SPG11: variants seen among roughly 807,000 people sequenced by gnomAD.
SPG11 encodes SPG11 vesicle trafficking associated, spatacsin.
SPG11 carries 222 observed loss-of-function variants against 274.0 expected under a neutral mutation model. The ratio of observed to expected loss-of-function variants is 0.81; its 90% CI spans 0.73 to 0.91. The LOEUF is 0.91. SPG11 is among the 40% of genes least tolerant of loss of function. The probability of loss-of-function intolerance (pLI) is 0.00; values close to 1 mark genes in which losing one functional copy is unlikely to be tolerated. For synonymous variants in SPG11, 1,144 were observed against 1,039.7 expected, an observed-to-expected ratio of 1.10 and a Z score of -1.93; for missense variants, 3,114 against 2,872.7, an observed-to-expected ratio of 1.08 and a Z score of -1.92.
At chr15:44,642,971 C>G (rs960224151) in intron 7 of SPG11, among the ~76,000 whole-genome samples, 2 of 152,082 alleles carry the variant, frequency 1.3e-5, no homozygotes, top group Non-Finnish European at 2.9e-5. Context: ...TCAAAGATAT[C>G]CATGATATTC....
Position 44,578,631 on chromosome 15 carries a change from T to G in SPG11, c.5867-3590A>C, listed in dbSNP as rs2082595473. Among the ~76,000 whole-genome samples, 3 of 152,276 alleles carry G rather than the reference T, an allele frequency of 2.0e-5. No individual in the cohort carries two copies. In the South Asian group the frequency reaches 6.2e-4, roughly 32 times the overall value. Reference sequence around the variant, plus strand: ...CTTGATCCTAAGTAGCACAGATCACTACCAAGGTCACAGATTGACCACTAG... The same window carrying G: ...CTTGATCCTAAGTAGCACAGATCACGACCAAGGTCACAGATTGACCACTAG... On this transcript the variant is annotated intron_variant, in intron 30 of 39. Transcript: ENST00000261866.
In SPG11 at chr15:44,629,318, T is replaced by A. The variant is rs1255132930; in HGVS notation, c.1806A>T (p.Gln602His). The change falls in exon 9 of 40, where the codon CAA becomes CAT. Residue 602 changes from glutamine to histidine, a missense_variant. Transcript: ENST00000261866. ...GCAATTGTTCTGAAAAGTGTTTGCTTTGGGGTTCAGAATAACTTTCTCTAA... is the reference window on the plus strand; with the variant it reads ...GCAATTGTTCTGAAAAGTGTTTGCTATGGGGTTCAGAATAACTTTCTCTAA... The part of the protein sequence containing the change: ...SAIRESYSEP[Q>H]SKHFSEQLLN... 1 of 1,614,158 alleles carries A rather than the reference T, an allele frequency of 6.2e-7. No homozygotes were observed. The highest frequency in any genetic ancestry group is 1.3e-5 in the African/African-American group (1 of 75,066).
chr15:44,595,994 C>T (rs2083025799), intron 25 of SPG11, 89 bp downstream of exon 25: 4 of 1,538,234 alleles, frequency 2.6e-6, no homozygotes, highest in African/African-American at 1.4e-5. Flanking sequence ...GTCATCATCA[C>T]CCCACTTCTG....
chr15:44,640,176 C>T (rs920699601), intron 7 of SPG11, among the ~76,000 whole-genome samples: 1 of 152,178 alleles, frequency 6.6e-6, no homozygotes, highest in Non-Finnish European at 1.5e-5. Flanking sequence ...CATCACTGCA[C>T]TCCAGCCTGG....
At position 44,663,441 on chromosome 15, in the gene SPG11, C is replaced by G. The variant is rs2141138210; in HGVS notation, c.207G>C (p.Thr69=). 1 of 1,603,298 alleles carries G rather than the reference C, an allele frequency of 6.2e-7. No individual in the cohort carries two copies. Among genetic ancestry groups the G allele is most frequent in the African/African-American group, 1.3e-5 (1 of 74,800 alleles). ...AGCGACCCCCGCCCCGGCTGCCAGG[C>G]GTCAAAGAAAGCACTTGGAGGCTGC... ...AAGSLQVLSL[T]PGSRGGGRCC... Residue 69 remains threonine, a synonymous_variant, in exon 1 of 40, where the codon ACG becomes ACC. Transcript: ENST00000261866.
chr15:44,652,400 T>C (rs1849964705), intron 4 of SPG11, 134 bp from the exon 5 acceptor site: 3 of 913,136 alleles, frequency 3.3e-6, no homozygotes, highest in Non-Finnish European at 5.1e-6. Context: ...AGGAACTCCT[T>C]ATCTCCCTTG....
Position 44,564,663 on chromosome 15 carries a change from T to A in SPG11, c.7035A>T (p.Pro2345=), listed in dbSNP as rs776878909. The change falls in exon 39 of 40, where the codon CCA becomes CCT. Residue 2345 remains proline, a synonymous_variant. Coordinates refer to ENST00000261866, the MANE Select transcript of SPG11 (RefSeq NM_025137.4). ...GCTGGTATAAAATTTCAGCCCAATC[T>A]GGAACAAAATCGTAGGCCTCAGCCA... ...SIVAEAYDFV[P]DWAEILYQQV... The A allele has an allele frequency of 6.8e-6, 11 of 1,614,042 alleles. No homozygotes were observed. The East Asian group carries it at 1.8e-4, about 26-fold the overall frequency.
In SPG11 at chr15:44,565,840, G is replaced by C; in HGVS notation, c.6999+14C>G. 1 of 1,613,992 alleles carries C rather than the reference G, an allele frequency of 6.2e-7. No homozygotes were observed. Reference sequence around the variant, plus strand: ...ATGCTAGCAGTGCTGGCTACAGTTTGCTTTCTTGCTCACCTGGTAGAACCG... The same window carrying C: ...ATGCTAGCAGTGCTGGCTACAGTTTCCTTTCTTGCTCACCTGGTAGAACCG... On this transcript the variant is annotated intron_variant, in intron 38 of 39. Coordinates refer to ENST00000261866, the MANE Select transcript of SPG11 (RefSeq NM_025137.4).
Position 44,568,899 on chromosome 15 carries a change from C to T in SPG11, c.6585+499G>A, listed in dbSNP as rs529403517. 2.6e-5 allele frequency among the ~76,000 whole-genome samples: 4 copies of T among 152,134 alleles called. No individual in the cohort carries two copies. In the East Asian group the frequency reaches 5.8e-4, roughly 22 times the overall value. On this transcript the variant is annotated intron_variant, in intron 35 of 39. Coordinates refer to ENST00000261866, the MANE Select transcript of SPG11 (RefSeq NM_025137.4). ...TTCAGTATTTAGCATCGGCTGGGCA[C>T]GGTGGCTCATGCCTGTAATCCCAGC...
At chr15:44,635,617 A>G (rs1483098030) in intron 7 of SPG11, among the ~76,000 whole-genome samples, 3 of 147,406 alleles carry the variant, frequency 2.0e-5, no homozygotes, top group South Asian at 2.1e-4. Flanking sequence ...AAAAAAAAAA[A>G]AAAGAAAAAA....
intron 6 of SPG11, among the ~76,000 whole-genome samples, 175 bp downstream of exon 6, chr15:44,651,316 C>T (rs753889682): frequency 3.3e-5 from 5 of 152,092 alleles, no homozygotes; most frequent in African/African-American, 4.8e-5. Flanking sequence ...GCAGAAATGA[C>T]GTTAATTAAA....
Position 44,610,198 on chromosome 15 carries a change from C to T in SPG11, c.3291+642G>A, listed in dbSNP as rs949350766. ...GATTACAGGTGTGAGCCACCGCACT[C>T]GGTCATGCCCAGCTAATTTTTAAAT... On this transcript the variant is annotated intron_variant, in intron 18 of 39. Coordinates refer to ENST00000261866, the MANE Select transcript of SPG11 (RefSeq NM_025137.4). Among the ~76,000 whole-genome samples the T allele has an allele frequency of 5.3e-5, 8 of 149,872 alleles. No homozygotes were observed. The South Asian group carries it at 1.5e-3, about 28-fold the overall frequency.
rs1201109235 is a variant in SPG11, at chr15:44,584,074, C to G, written c.5606G>C (p.Arg1869Thr). Residue 1869 changes from arginine to threonine, a missense_variant, in exon 30 of 40, where the codon AGA becomes ACA. By Grantham distance (71) the Arg-to-Thr change is moderately conservative. Transcript: ENST00000261866. Reference protein sequence around the residue: ...SLPSKETCENRLDWKEQESLN... With the variant: ...SLPSKETCENTLDWKEQESLN... ...TGACTCCTGCTCTTTCCAATCCAAT[C>G]TATTCTCGCATGTCTCTTTGGATGG... is the stretch of plus-strand genomic sequence containing the variant. 1.9e-6 allele frequency: 3 copies of G among 1,614,130 alleles called. No individual in the cohort carries two copies. The highest frequency in any genetic ancestry group is 3.3e-5 in the Admixed American group (2 of 60,004).
chr15:44,610,468 C>T (rs1041578372), intron 18 of SPG11, among the ~76,000 whole-genome samples: 11 of 152,074 alleles, frequency 7.2e-5, no homozygotes, highest in Admixed American at 2.0e-4. Context: ...CTGCAACCTC[C>T]GCCTCTCAGG....
rs780612651 is a variant in SPG11, at chr15:44,626,272, TATA to T, written c.2244+56_2244+58del. On this transcript the variant is annotated intron_variant, in intron 11 of 39. Transcript: ENST00000261866. The stretch of plus-strand genomic sequence containing the variant: ...AATAATTATGAATACAAACCAATTT[TATA>T]ATAACTAGAAATTATATTAAATACA... The T allele has an allele frequency of 4.3e-5, 62 of 1,426,296 alleles. No individual in the cohort carries two copies. In the East Asian group the frequency reaches 1.0e-3, roughly 24 times the overall value. 88.4% of individuals were successfully genotyped at this position (1,426,296 alleles called of 1,614,324 possible).
Position 44,600,575 on chromosome 15 carries a change from A to G in SPG11, c.3578T>C (p.Ile1193Thr). ...SSPDLVNKYA[I>T]VERLNFAYYL... The stretch of plus-strand genomic sequence containing the variant: ...ATAAGCAAAATTCAGACGTTCCACT[A>G]TAGCATATTTATTAACCAGGTCAGG... The change falls in exon 21 of 40, where the codon ATA (isoleucine) becomes ACA (threonine). Residue 1193 changes from isoleucine (I) to threonine (T), a missense_variant. Physicochemically the swap from Ile to Thr is moderately conservative, Grantham distance 89 (BLOSUM62 -1). Coordinates refer to ENST00000261866, the MANE Select transcript of SPG11 (RefSeq NM_025137.4). 6.2e-7 allele frequency: 1 copy of G among 1,614,214 alleles called. No homozygotes were observed. Among genetic ancestry groups the G allele is most frequent in the South Asian group, 1.1e-5 (1 of 91,090 alleles).
Position 44,619,706 on chromosome 15 carries a change from T to TA in SPG11, c.2834+483dup, listed in dbSNP as rs2083686855. ...GAGAGCTTATTTACTACCCACATGA[T>TA]ATTAAATGCATATGATTTTTTTTTT... On this transcript the variant is annotated intron_variant, in intron 15 of 39. Coordinates refer to ENST00000261866, the MANE Select transcript of SPG11 (RefSeq NM_025137.4). Among the ~76,000 whole-genome samples the TA allele has an allele frequency of 2.6e-5, 4 of 151,748 alleles. No individual in the cohort carries two copies. In the South Asian group the frequency reaches 8.3e-4, roughly 32 times the overall value.
At chr15:44,661,457 T>C (rs2085103472) in intron 1 of SPG11, among the ~76,000 whole-genome samples, 1 of 152,168 alleles carries the variant, frequency 6.6e-6, no homozygotes, top group South Asian at 2.1e-4. Flanking sequence ...TAGTGTTTTA[T>C]ACTTCTAGAG....
rs1357522691 is a variant in SPG11 at position 44,570,510 on chromosome 15, G to T, written c.6477+15C>A. The T allele has an allele frequency of 1.2e-6, 2 of 1,613,864 alleles. No individual in the cohort carries two copies. The highest frequency in any genetic ancestry group is 2.7e-5 in the African/African-American group (2 of 74,928). On this transcript the variant is annotated intron_variant, in intron 34 of 39. Transcript: ENST00000261866. ...TTTCCACAGGATGGAGACTGGGGTTGAGGGGGCTACTTACCACCAGCCCAT... is the reference window on the plus strand; with the variant it reads ...TTTCCACAGGATGGAGACTGGGGTTTAGGGGGCTACTTACCACCAGCCCAT...
Sources: allele counts gnomAD v4.1 joint callset (sites outside exome capture counted in the v4.1 genomes callset), GRCh38; gene constraint gnomAD v4.1.1; transcripts MANE v1.5; gene names NCBI Gene and HGNC (gene_info 2026-07-23, HGNC 2026-07-21).